Variants in CYP2J2 observed in about 807,000 individuals in gnomAD.
CYP2J2 encodes the protein cytochrome P450 family 2 subfamily J member 2, also known as cytochrome P450 2J2.
A neutral mutation model predicts 48.8 loss-of-function variants in CYP2J2; 41 were observed. The ratio of observed to expected loss-of-function variants is 0.84; its 90% CI spans 0.66 to 1.09. CYP2J2 has a LOEUF of 1.09. Among genes scored for constraint, CYP2J2 ranks in the 50% least tolerant of loss-of-function variants. CYP2J2 has a pLI of 0.00. For synonymous variants in CYP2J2, 221 were observed against 227.1 expected, an observed-to-expected ratio of 0.97 and a Z score of 0.24; for missense variants, 644 against 617.3, an observed-to-expected ratio of 1.04 and a Z score of -0.46.
intron 8 of CYP2J2, among the ~76,000 whole-genome samples, chr1:59,894,601 AG>A (rs1197849356): frequency 6.6e-6 from 1 of 152,202 alleles, no homozygotes; most frequent in Non-Finnish European, 1.5e-5. Context: ...CAACCTCTCT[AG>A]GAATCAGTGA....
intron 8 of CYP2J2, among the ~76,000 whole-genome samples, 173 bp from the exon 9 acceptor site, chr1:59,894,002 T>C (rs1053395778): frequency 1.3e-5 from 2 of 152,126 alleles, no homozygotes; most frequent in Admixed American, 6.6e-5. Flanking sequence ...GGTTCATCAA[T>C]GCATAGAAAG....
chr1:59,952,307 C>CTTTT, the CYP2J2 span, among the ~76,000 whole-genome samples: 11 of 140,044 alleles, frequency 7.9e-5, no homozygotes, highest in Non-Finnish European at 1.3e-4. Flanking sequence ...TATGCGTATG[C>CTTTT]TTTTTTTTTT....
chr1:59,953,803 A>G, the CYP2J2 span, among the ~76,000 whole-genome samples: 3 of 152,164 alleles, frequency 2.0e-5, no homozygotes, highest in Non-Finnish European at 4.4e-5. Context: ...GTCCAAAGGG[A>G]AGAGCAGTGG....
At chr1:59,949,629 C>T in the CYP2J2 span, among the ~76,000 whole-genome samples, 46 of 151,960 alleles carry the variant, frequency 3.0e-4, no homozygotes, top group African/African-American at 9.6e-4. Flanking sequence ...GAGTAAACCC[C>T]GGTAACCCCC....
At chr1:59,935,500 G>A in the CYP2J2 span, among the ~76,000 whole-genome samples, 1 of 152,052 alleles carries the variant, frequency 6.6e-6, no homozygotes, top group Non-Finnish European at 1.5e-5. Context: ...CTATATCAAA[G>A]CATCACATTG....
At chr1:59,909,672 G>A in intron 5 of CYP2J2, 112 bp downstream of exon 5, 1 of 695,184 alleles carries the variant, frequency 1.4e-6, no homozygotes, top group Non-Finnish European at 2.3e-6. Flanking sequence ...GAATCAATCT[G>A]TGCTATTTTA....
At chr1:59,964,840 G>C in the CYP2J2 span, among the ~76,000 whole-genome samples, 1 of 152,172 alleles carries the variant, frequency 6.6e-6, no homozygotes, top group Non-Finnish European at 1.5e-5. Context: ...AACATGATCT[G>C]GCTTAGCTTT....
intron 7 of CYP2J2, among the ~76,000 whole-genome samples, chr1:59,902,925 G>A (rs1441852870): frequency 1.3e-5 from 2 of 152,186 alleles, no homozygotes; most frequent in East Asian, 1.9e-4. Context: ...TCTATTTGAC[G>A]TCAAAGTCAT....
At chr1:59,921,163 T>C (rs538731533) in intron 1 of CYP2J2, among the ~76,000 whole-genome samples, 1 of 152,324 alleles carries the variant, frequency 6.6e-6, no homozygotes, top group Non-Finnish European at 1.5e-5. Context: ...AATAAATGTC[T>C]GTTGAGTGAA....
the CYP2J2 span, among the ~76,000 whole-genome samples, chr1:59,932,985 G>T: frequency 6.6e-6 from 1 of 152,078 alleles, no homozygotes; most frequent in East Asian, 1.9e-4. Flanking sequence ...ATTCTTAATT[G>T]ATTTAGCAGA....
chr1:59,922,049 G>C (rs370372225), intron 1 of CYP2J2, among the ~76,000 whole-genome samples: 3 of 152,082 alleles, frequency 2.0e-5, no homozygotes, highest in African/African-American at 7.2e-5. Context: ...TGGCGGCATC[G>C]CAGGTCCAGA....
chr1:59,948,513 A>G, the CYP2J2 span, among the ~76,000 whole-genome samples: 2 of 152,250 alleles, frequency 1.3e-5, no homozygotes, highest in Non-Finnish European at 2.9e-5. Flanking sequence ...ATAAAAATTA[A>G]AAATTAAGAT....
At chr1:59,926,450 C>G in intron 1 of CYP2J2, 87 bp downstream of exon 1, 2 of 1,156,616 alleles carry the variant, frequency 1.7e-6, no homozygotes, top group Non-Finnish European at 2.6e-6. Context: ...CCTTCATCCC[C>G]CACCCCACCC....
chr1:59,926,596 G>C lies in CYP2J2; in HGVS notation c.151C>G (p.Pro51Ala), dbSNP rs752006944. 2.5e-6 allele frequency: 4 copies of C among 1,614,112 alleles called. No homozygotes were observed. The Admixed American group carries it at 6.7e-5, about 27-fold the overall frequency. Residue 51 changes from proline to alanine, a missense_variant, in exon 1 of 9, where the codon CCC (proline) becomes GCC (alanine). Physicochemically the swap from Pro to Ala is conservative, Grantham distance 27. Coordinates refer to ENST00000371204, the MANE Select transcript of CYP2J2 (RefSeq NM_000775.4). ...ACAAGGAAGAAGTTGCCAAGGAAGGGCAGGCGCCAGGGCCCCGGCGGGTAG... is the reference window on the plus strand; with the variant it reads ...ACAAGGAAGAAGTTGCCAAGGAAGGCCAGGCGCCAGGGCCCCGGCGGGTAG... ...KNYPPGPWRLPFLGNFFLVDF... is the reference protein window; with the variant it reads ...KNYPPGPWRLAFLGNFFLVDF...
chr1:59,912,366 A>T, intron 2 of CYP2J2, 55 bp from the exon 3 acceptor site: 1 of 1,540,074 alleles, frequency 6.5e-7, no homozygotes, highest in East Asian at 2.3e-5. Flanking sequence ...ATGAATATCC[A>T]GCAAATGATA....
chr1:59,944,423 A>T, the CYP2J2 span, among the ~76,000 whole-genome samples: 4 of 152,102 alleles, frequency 2.6e-5, no homozygotes, highest in African/African-American at 9.7e-5. Context: ...GGGTTTCACC[A>T]TGTTGGACAG....
the CYP2J2 span, among the ~76,000 whole-genome samples, chr1:59,945,048 A>C: frequency 1.3e-5 from 2 of 152,136 alleles, no homozygotes; most frequent in African/African-American, 4.8e-5. Flanking sequence ...ACCATGTAGA[A>C]ATTTTGTTTT....
the CYP2J2 span, among the ~76,000 whole-genome samples, chr1:59,934,537 T>C: frequency 6.6e-6 from 1 of 152,224 alleles, no homozygotes; most frequent in African/African-American, 2.4e-5. Flanking sequence ...TGATTTTAAA[T>C]GGGCAAATGA....
the CYP2J2 span, among the ~76,000 whole-genome samples, chr1:59,955,694 G>T: frequency 1.5e-4 from 23 of 152,194 alleles, no homozygotes; most frequent in East Asian, 4.2e-3. Context: ...GTAGTATTCT[G>T]GGCTAGAACG....
Sources: allele counts gnomAD v4.1 joint callset (sites outside exome capture counted in the v4.1 genomes callset), GRCh38; gene constraint gnomAD v4.1.1; transcripts MANE v1.5; gene names NCBI Gene and HGNC (gene_info 2026-07-23, HGNC 2026-07-21).